The following KAZN variants were observed in gnomAD, a reference collection of about 807,000 sequenced individuals.
KAZN encodes the protein kazrin, periplakin interacting protein, also known as kazrin.
A neutral mutation model predicts 87.4 loss-of-function variants in KAZN; 40 were observed. That is an observed-to-expected ratio of 0.46 (90% CI 0.36 to 0.60). The LOEUF (loss-of-function observed/expected upper bound fraction) is 0.60, where lower values mean the gene tolerates loss of function less well. Among genes scored for constraint, KAZN ranks in the 20% least tolerant of loss-of-function variants. KAZN has a pLI of 0.00. For missense variants in KAZN, 898 were observed against 1,073.9 expected (o/e 0.84, Z 2.29); for synonymous variants, 466 against 458.3 (o/e 1.02, Z -0.22).
chr1:15,045,316 G>A lies in KAZN; in HGVS notation c.726+1157G>A, dbSNP rs539406491. Among the ~76,000 whole-genome samples, 8 of 152,274 alleles carry A rather than the reference G, an allele frequency of 5.3e-5. No homozygotes were observed. In the East Asian group the frequency reaches 7.7e-4, roughly 15 times the overall value. ...GGTTACAGCCATGTGATCTGGGTTCGAATCCAGCCCCAGGTGCTTCCCAGC... is the reference window on the plus strand; with the variant it reads ...GGTTACAGCCATGTGATCTGGGTTCAAATCCAGCCCCAGGTGCTTCCCAGC... On this transcript the variant is annotated intron_variant, in intron 4 of 14. Coordinates refer to ENST00000376030, the MANE Select transcript of KAZN (RefSeq NM_201628.3).
upstream of KAZN, among the ~76,000 whole-genome samples, chr1:14,594,145 T>C (rs1243071103): frequency 6.6e-6 from 1 of 152,232 alleles, no homozygotes; most frequent in Admixed American, 6.5e-5. Context: ...ACAATTCCTA[T>C]GTATGCCACT....
chr1:15,018,460 T>C (rs1307399006), intron 2 of KAZN, among the ~76,000 whole-genome samples: 1 of 151,786 alleles, frequency 6.6e-6, no homozygotes, highest in Non-Finnish European at 1.5e-5. Context: ...ACAAGAAAAT[T>C]GTTCTCTGTG....
At chr1:14,602,498 A>G (rs997618828) in intron 1 of KAZN, among the ~76,000 whole-genome samples, 6 of 152,196 alleles carry the variant, frequency 3.9e-5, no homozygotes, top group Admixed American at 3.9e-4. Flanking sequence ...GAACAGAGCC[A>G]AGCATTTGTT....
intron 1 of KAZN, among the ~76,000 whole-genome samples, chr1:14,641,196 G>C (rs908488775): frequency 6.6e-6 from 1 of 152,244 alleles, no homozygotes; most frequent in South Asian, 2.1e-4. Context: ...CAGCAATATA[G>C]GGAGGTGGGA....
intron 1 of KAZN, among the ~76,000 whole-genome samples, chr1:14,624,742 C>T (rs1330052106): frequency 6.6e-6 from 1 of 152,166 alleles, no homozygotes; most frequent in Non-Finnish European, 1.5e-5. Flanking sequence ...TGGCTGAACA[C>T]GACCTGGTCA....
intron 2 of KAZN, among the ~76,000 whole-genome samples, chr1:14,362,747 TC>T (rs1659627241): frequency 6.6e-6 from 1 of 152,200 alleles, no homozygotes; most frequent in South Asian, 2.1e-4. Context: ...AGAGGCTACA[TC>T]ATATTTGCCA....
Position 15,114,467 on chromosome 1 carries a change from T to G in KAZN, c.2164-4T>G. On this transcript the variant is annotated splice_polypyrimidine_tract_variant and splice_region_variant and intron_variant, in intron 14 of 14. Transcript: ENST00000376030. ...GTCCTTTGATCATATTCTTCTCTTC[T>G]CAGCTGCCCCTGGGGAAGATAGGAA... 6.2e-7 allele frequency: 1 copy of G among 1,606,682 alleles called. No individual in the cohort carries two copies. The highest frequency in any genetic ancestry group is 1.1e-5 in the South Asian group (1 of 89,570).
In KAZN at chr1:14,728,886, T is replaced by C. The variant is rs376442211; in HGVS notation, c.226+129663T>C. On this transcript the variant is annotated intron_variant, in intron 1 of 14. Transcript: ENST00000376030. Reference sequence around the variant, plus strand: ...TTGGCAAGGATTAGATGAGCGAGCATGTGAGTTTGGCCTCCGTTTAAACAC... The same window carrying C: ...TTGGCAAGGATTAGATGAGCGAGCACGTGAGTTTGGCCTCCGTTTAAACAC... Among the ~76,000 whole-genome samples the C allele has an allele frequency of 2.7e-3, 413 of 152,308 alleles. 1 individual carries two copies. Among genetic ancestry groups the C allele is most frequent in the Non-Finnish European group, 3.9e-3 (263 of 68,014 alleles).
intron 2 of KAZN, among the ~76,000 whole-genome samples, chr1:14,514,362 TA>T (rs1671103391): frequency 4.2e-5 from 1 of 23,772 alleles, no homozygotes; most frequent in Non-Finnish European, 7.6e-5. Flanking sequence ...ATTATATATA[TA>T]TTTATATATA....
At chr1:13,904,189 A>G (rs1453158606) in intron 1 of KAZN, among the ~76,000 whole-genome samples, 1 of 152,204 alleles carries the variant, frequency 6.6e-6, no homozygotes. Context: ...AGGCCGGGCG[A>G]GGAGGTGCCC....
intron 2 of KAZN, among the ~76,000 whole-genome samples, chr1:14,363,567 A>G (rs1659700432): frequency 6.6e-6 from 1 of 152,220 alleles, no homozygotes; most frequent in African/African-American, 2.4e-5. Context: ...TTAGTGAAAA[A>G]TAATACATCA....
chr1:14,376,823 G>A (rs942654504), intron 2 of KAZN, among the ~76,000 whole-genome samples: 5 of 152,206 alleles, frequency 3.3e-5, no homozygotes, highest in Non-Finnish European at 5.9e-5. Flanking sequence ...ATTAGTCATA[G>A]TCTGGGTATA....
chr1:14,883,355 A>AAAAAGAAAGAAAG (rs1553150620), intron 1 of KAZN, among the ~76,000 whole-genome samples: 3 of 20,620 alleles, frequency 1.5e-4, no homozygotes, highest in African/African-American at 4.6e-4. Context: ...AGAAAGAAAG[A>AAAAAGAAAGAAAG]AAAGAAAGAA....
At chr1:14,098,774 T>G (rs1388392819) in intron 1 of KAZN, among the ~76,000 whole-genome samples, 1 of 152,214 alleles carries the variant, frequency 6.6e-6, no homozygotes, top group Non-Finnish European at 1.5e-5. Context: ...GTGGCTGCCC[T>G]GGGACTCTTC....
intron 2 of KAZN, among the ~76,000 whole-genome samples, chr1:14,592,018 C>T (rs1372560107): frequency 6.6e-6 from 1 of 152,176 alleles, no homozygotes; most frequent in Non-Finnish European, 1.5e-5. Flanking sequence ...GCACACTTCT[C>T]TACGGCTCTG....
intron 2 of KAZN, among the ~76,000 whole-genome samples, chr1:15,004,852 T>A (rs1668842375): frequency 6.6e-6 from 1 of 152,170 alleles, no homozygotes. Flanking sequence ...ATAATAATAG[T>A]ACCCACCACC....
intron 1 of KAZN, among the ~76,000 whole-genome samples, chr1:14,075,887 A>G (rs1643437796): frequency 6.6e-6 from 1 of 152,150 alleles, no homozygotes; most frequent in Non-Finnish European, 1.5e-5. Flanking sequence ...CATATGGGAA[A>G]GTTCTAACCC....
At chr1:13,985,558 G>A (rs946023667) in intron 1 of KAZN, among the ~76,000 whole-genome samples, 5 of 119,738 alleles carry the variant, frequency 4.2e-5, no homozygotes, top group African/African-American at 1.6e-4. Flanking sequence ...GACTGTTGTG[G>A]GGTGGGGGGA....
chr1:14,229,639 G>A (rs770831887), intron 2 of KAZN, among the ~76,000 whole-genome samples: 6 of 152,150 alleles, frequency 3.9e-5, no homozygotes, highest in Non-Finnish European at 8.8e-5. Flanking sequence ...TCATATAAGG[G>A]CCCTCTAAGG....
Sources: allele counts gnomAD v4.1 joint callset (sites outside exome capture counted in the v4.1 genomes callset), GRCh38; gene constraint gnomAD v4.1.1; transcripts MANE v1.5; gene names NCBI Gene and HGNC (gene_info 2026-07-23, HGNC 2026-07-21).